The following RAD51B variants were observed in gnomAD, a reference collection of about 807,000 sequenced individuals.
RAD51B encodes DNA repair protein RAD51 homolog 2.
RAD51B carries 38 observed loss-of-function variants against 42.2 expected under a neutral mutation model. The ratio of observed to expected loss-of-function variants is 0.90; its 90% CI spans 0.70 to 1.18. RAD51B has a LOEUF of 1.18. Among genes scored for constraint, RAD51B ranks in the 50% most tolerant of loss-of-function variants. RAD51B has a pLI of 0.00. For missense variants in RAD51B, 373 were observed against 400.7 expected (o/e 0.93, Z 0.59); for synonymous variants, 154 against 145.2 (o/e 1.06, Z -0.43).
At position 68,241,496 on chromosome 14, in the gene RAD51B, C is replaced by T. The variant is rs368576322; in HGVS notation, c.757-50388C>T. ...GGCCGAGCTTGCAGTGAGCTGAGAT[C>T]GCGCCACTGCACTCCAGCTGGGCGA... On this transcript the variant is annotated intron_variant, in intron 7 of 10. Transcript: ENST00000471583. Among the ~76,000 whole-genome samples, 14 of 152,038 alleles carry T rather than the reference C, an allele frequency of 9.2e-5. No individual in the cohort carries two copies. In the East Asian group the frequency reaches 1.2e-3, roughly 13 times the overall value.
At chr14:67,975,074 T>G (rs2074966620) in intron 7 of RAD51B, among the ~76,000 whole-genome samples, 1 of 152,216 alleles carries the variant, frequency 6.6e-6, no homozygotes, top group African/African-American at 2.4e-5. Flanking sequence ...ACCCTAAAAC[T>G]TAGCCGCTTT....
intron 7 of RAD51B, among the ~76,000 whole-genome samples, chr14:67,984,788 C>T (rs934212193): frequency 2.6e-5 from 4 of 152,190 alleles, no homozygotes; most frequent in Non-Finnish European, 5.9e-5. Flanking sequence ...CGTGGTACTC[C>T]ACTCTGATGG....
intron 7 of RAD51B, among the ~76,000 whole-genome samples, chr14:68,048,723 G>C (rs1307775001): frequency 6.6e-6 from 1 of 152,228 alleles, no homozygotes; most frequent in African/African-American, 2.4e-5. Context: ...TGCTGGAGAG[G>C]ATGTGGAGAA....
intron 7 of RAD51B, among the ~76,000 whole-genome samples, chr14:67,953,881 A>T (rs1356434459): frequency 6.6e-6 from 1 of 152,186 alleles, no homozygotes; most frequent in Non-Finnish European, 1.5e-5. Flanking sequence ...GTGTAGGGGC[A>T]TATGAGAATT....
chr14:68,216,963 T>C (rs954033627), intron 7 of RAD51B, among the ~76,000 whole-genome samples: 1 of 152,202 alleles, frequency 6.6e-6, no homozygotes, highest in Non-Finnish European at 1.5e-5. Flanking sequence ...GCCTGACTTG[T>C]AGGAAACCTT....
At chr14:68,496,037 C>T (rs1172674387) in intron 10 of RAD51B, among the ~76,000 whole-genome samples, 1 of 152,190 alleles carries the variant, frequency 6.6e-6, no homozygotes. Context: ...TCCTTTTGGT[C>T]CCATCCTTCC....
chr14:68,027,824 T>G (rs976677507), intron 7 of RAD51B, among the ~76,000 whole-genome samples: 6 of 152,242 alleles, frequency 3.9e-5, no homozygotes, highest in Non-Finnish European at 8.8e-5. Context: ...GAATTTTATA[T>G]CTGTCATTTC....
intron 10 of RAD51B, among the ~76,000 whole-genome samples, chr14:68,635,335 C>T (rs980180134): frequency 6.6e-6 from 1 of 152,138 alleles, no homozygotes; most frequent in African/African-American, 2.4e-5. Flanking sequence ...GTGGAGGGTG[C>T]TCTGTGTAAA....
At chr14:68,434,721 G>C (rs2145424) in intron 9 of RAD51B, among the ~76,000 whole-genome samples, 17,963 of 152,228 alleles carry the variant, frequency 0.12, 1,561 homozygotes, top group East Asian at 0.46. Context: ...CCCTGCTTCA[G>C]CTTATGCTCG....
chr14:68,488,199 CT>C (rs201866707), intron 10 of RAD51B, among the ~76,000 whole-genome samples: 7,449 of 108,156 alleles, frequency 0.069, 264 homozygotes, highest in African/African-American at 0.19. Flanking sequence ...TAGGGTTTGT[CT>C]TTTTTTTTTT....
chr14:68,080,275 C>T (rs540552398), intron 7 of RAD51B, among the ~76,000 whole-genome samples: 1 of 152,260 alleles, frequency 6.6e-6, no homozygotes, highest in East Asian at 1.9e-4. Flanking sequence ...GATGTATCAA[C>T]TTAATCTTAT....
intron 11 of RAD51B, among the ~76,000 whole-genome samples, chr14:68,652,220 C>T (rs1280510651): frequency 1.3e-5 from 2 of 152,308 alleles, no homozygotes; most frequent in South Asian, 2.1e-4. Flanking sequence ...AAATATAGCC[C>T]GCAGTCTGCG....
At position 68,582,523 on chromosome 14, in the gene RAD51B, G is replaced by A. The variant is rs192707988; in HGVS notation, c.1037-11962G>A. ...GGAAACAACAGATGCTGTAGAGGAC[G>A]GGAGAAATAGGAATGCTTTTACACT... On this transcript the variant is annotated intron_variant, in intron 10 of 10. Coordinates refer to the RAD51B transcript ENST00000487270. 1.6e-4 allele frequency among the ~76,000 whole-genome samples: 25 copies of A among 152,240 alleles called. No individual in the cohort carries two copies. In the East Asian group the frequency reaches 4.4e-3, roughly 27 times the overall value.
At chr14:67,824,140 G>C (rs2040728137) in intron 2 of RAD51B, among the ~76,000 whole-genome samples, 1 of 152,240 alleles carries the variant, frequency 6.6e-6, no homozygotes, top group Admixed American at 6.5e-5. Context: ...TGCCCCAGCT[G>C]ATCTTGAACT....
At chr14:67,886,015 TAGTAATGCGTTGAA>T (rs2043050209) in intron 6 of RAD51B, 27 bp downstream of exon 6, 1 of 1,507,064 alleles carries the variant, frequency 6.6e-7, no homozygotes. Flanking sequence ...TTTGATTTTT[TAGTAATGCGTTGAA>T]GGTTTATGTT....
intron 7 of RAD51B, among the ~76,000 whole-genome samples, chr14:67,969,138 C>T (rs2074845935): frequency 6.6e-6 from 1 of 152,130 alleles, no homozygotes; most frequent in Admixed American, 6.5e-5. Flanking sequence ...AAACCATCTC[C>T]CACTGGGTCT....
chr14:68,172,711 T>G (rs549619433), intron 7 of RAD51B, among the ~76,000 whole-genome samples: 1 of 152,364 alleles, frequency 6.6e-6, no homozygotes, highest in African/African-American at 2.4e-5. Context: ...CATGGTTCCT[T>G]TCTCATTCAA....
At chr14:68,062,828 AAAAG>A (rs1158666939) in intron 7 of RAD51B, among the ~76,000 whole-genome samples, 19 of 149,546 alleles carry the variant, frequency 1.3e-4, no homozygotes, top group African/African-American at 3.8e-4. Context: ...AAAAAAAAAA[AAAAG>A]AAAAAAAAAA....
chr14:68,327,330 C>G (rs1477696790), intron 8 of RAD51B, among the ~76,000 whole-genome samples: 1 of 150,612 alleles, frequency 6.6e-6, no homozygotes, highest in Non-Finnish European at 1.5e-5. Flanking sequence ...TAAATTTCCT[C>G]CAGAGCACAC....
Sources: gnomAD v4.1 joint callset for allele counts (sites outside exome capture counted in the v4.1 genomes callset) on GRCh38, gnomAD v4.1.1 for gene constraint, MANE v1.5 for transcripts, NCBI Gene and HGNC (gene_info 2026-07-23, HGNC 2026-07-21) for gene names.